Variants in LIPK observed in about 807,000 individuals in gnomAD.
LIPK encodes the protein lipase member K.
LIPK carries 32 observed loss-of-function variants against 48.6 expected under a neutral mutation model. That is an observed-to-expected ratio of 0.66 (90% CI 0.50 to 0.88). The LOEUF (loss-of-function observed/expected upper bound fraction) is 0.88. Ranked by LOEUF, LIPK falls within the 40% of genes least tolerant of loss-of-function variation. LIPK has a pLI of 0.00. For missense variants in LIPK, 507 were observed against 478.5 expected, an observed-to-expected ratio of 1.06 and a Z score of -0.56; for synonymous variants, 164 against 157.4, an observed-to-expected ratio of 1.04 and a Z score of -0.32.
chr10:88,733,678 C>A (rs1304821428), intron 6 of LIPK, among the ~76,000 whole-genome samples: 1 of 152,134 alleles, frequency 6.6e-6, no homozygotes, highest in Non-Finnish European at 1.5e-5. Flanking sequence ...TTCAGTATTC[C>A]CACACAATTA....
intron 3 of LIPK, chr10:88,728,570 G>T: frequency 2.2e-6 from 1 of 450,518 alleles, no homozygotes; most frequent in South Asian, 1.7e-5. Flanking sequence ...AGGAGAGGGC[G>T]CCGTAGCTTC....
rs1005036066 is a variant in LIPK at position 88,718,528 on chromosome 10, C to A, written c.-11-6005C>A. 2.0e-5 allele frequency among the ~76,000 whole-genome samples: 3 copies of A among 151,710 alleles called. No individual in the cohort carries two copies. The East Asian group carries it at 5.8e-4, about 29-fold the overall frequency. On this transcript the variant is annotated intron_variant, in intron 1 of 9. Transcript: ENST00000404190. ...GTAACCTGCATATACAAGAAATTTTCTATTTTCATTTTTCTGGGCCCTATC... is the reference window on the plus strand; with the variant it reads ...GTAACCTGCATATACAAGAAATTTTATATTTTCATTTTTCTGGGCCCTATC...
chr10:88,714,023 G>A (rs906529189), intron 1 of LIPK, among the ~76,000 whole-genome samples: 8 of 151,986 alleles, frequency 5.3e-5, no homozygotes, highest in African/African-American at 1.9e-4. Context: ...CTTTGTTGTT[G>A]TTGTTGTTTT....
chr10:88,724,563 C>T lies in LIPK; in HGVS notation c.20C>T (p.Ala7Val). ...TCCCAAATGTGGCAGCTTTTAGCAG[C>T]AGCATGCTGGATGCTTCTTCTTGGA... Reference protein sequence around the residue: MWQLLAAACWMLLLGSM... With the variant: MWQLLAVACWMLLLGSM... The change falls in exon 2 of 10, where the codon GCA becomes GTA. Residue 7 changes from alanine to valine, a missense_variant. Transcript: ENST00000404190. The T allele has an allele frequency of 6.2e-7, 1 of 1,607,468 alleles. No homozygotes were observed. The highest frequency in any genetic ancestry group is 8.5e-7 in the Non-Finnish European group (1 of 1,177,506).
chr10:88,748,394 ATCACT>A (rs1397609675), intron 9 of LIPK, among the ~76,000 whole-genome samples: 1 of 152,154 alleles, frequency 6.6e-6, no homozygotes, highest in African/African-American at 2.4e-5. Context: ...AGGCGGGCAG[ATCACT>A]TGAGGTCAGG....
intron 9 of LIPK, among the ~76,000 whole-genome samples, chr10:88,751,968 A>G (rs913657625): frequency 2.6e-5 from 4 of 152,310 alleles, no homozygotes; most frequent in African/African-American, 9.6e-5. Context: ...AATACAAGAA[A>G]GAAGCGGTAA....
chr10:88,742,526 A>G (rs1842697709), intron 8 of LIPK, among the ~76,000 whole-genome samples: 1 of 152,268 alleles, frequency 6.6e-6, no homozygotes, highest in East Asian at 1.9e-4. Flanking sequence ...CATCAATCCT[A>G]TATGGGTGGC....
rs182336622 is a variant in LIPK at position 88,730,465 on chromosome 10, A to G, written c.224-518A>G. Among the ~76,000 whole-genome samples the G allele has an allele frequency of 4.0e-3, 609 of 151,672 alleles. 3 individuals carry two copies. The highest frequency in any genetic ancestry group is 6.5e-3 in the Non-Finnish European group (444 of 67,888). On this transcript the variant is annotated intron_variant, in intron 3 of 9. Transcript: ENST00000404190. Reference sequence around the variant, plus strand: ...CACCATGCCCGGCTAGTTTTTTTGTATTTTTTAGTAGAGATGGGGTTTCAC... The same window carrying G: ...CACCATGCCCGGCTAGTTTTTTTGTGTTTTTTAGTAGAGATGGGGTTTCAC...
At chr10:88,712,045 T>C (rs1842036349) in intron 1 of LIPK, among the ~76,000 whole-genome samples, 2 of 152,184 alleles carry the variant, frequency 1.3e-5, no homozygotes, top group African/African-American at 2.4e-5. Flanking sequence ...TACTTTCTCA[T>C]TGAAATACAT....
At chr10:88,751,307 A>C (rs1197544953) in intron 9 of LIPK, among the ~76,000 whole-genome samples, 1 of 152,198 alleles carries the variant, frequency 6.6e-6, no homozygotes, top group Non-Finnish European at 1.5e-5. Flanking sequence ...AAACTGAAAA[A>C]GTAGTCATGA....
intron 3 of LIPK, chr10:88,728,199 C>T: frequency 5.0e-6 from 1 of 201,152 alleles, no homozygotes. Flanking sequence ...CCGTGAGCTG[C>T]AGTCCCAGAT....
rs529883898 is a variant in LIPK, at chr10:88,745,081, G to C, written c.960+1760G>C. ...GTGAACCCAGTCAGACAAAAATAAAGAAAAAAGAATTTAAAAAATGAACAA... is the reference window on the plus strand; with the variant it reads ...GTGAACCCAGTCAGACAAAAATAAACAAAAAAGAATTTAAAAAATGAACAA... On this transcript the variant is annotated intron_variant, in intron 9 of 9. Transcript: ENST00000404190. Among the ~76,000 whole-genome samples, 289 of 151,978 alleles carry C rather than the reference G, an allele frequency of 1.9e-3. 1 individual carries two copies. Among genetic ancestry groups the C allele is most frequent in the Non-Finnish European group, 3.1e-3 (213 of 67,940 alleles).
intron 1 of LIPK, among the ~76,000 whole-genome samples, chr10:88,717,276 G>T (rs187547003): frequency 1.3e-5 from 2 of 152,278 alleles, no homozygotes; most frequent in Admixed American, 6.5e-5. Flanking sequence ...GTAAAGGAAA[G>T]GTTCGTCTTG....
chr10:88,732,219 A>G lies in LIPK; in HGVS notation c.464A>G (p.Asn155Ser), dbSNP rs1433483771. The G allele has an allele frequency of 1.4e-6, 2 of 1,436,238 alleles. No individual in the cohort carries two copies. The highest frequency in any genetic ancestry group is 1.9e-6 in the Non-Finnish European group (2 of 1,045,404). The allele number at this position is 1,436,238 out of a possible 1,614,324, so 89.0% of individuals were successfully genotyped here. ...MAKYDLPATI[N>S]FIIEKTGQKR... Reference sequence around the variant, plus strand: ...AAATATGACCTTCCAGCCACAATCAATTTTATCATAGAGAAAACTGGACAG... The same window carrying G: ...AAATATGACCTTCCAGCCACAATCAGTTTTATCATAGAGAAAACTGGACAG... Residue 155 changes from asparagine (N) to serine (S), a missense_variant, in exon 5 of 10, where the codon AAT (asparagine) becomes AGT (serine). Asn to Ser is a conservative substitution (Grantham distance 46, BLOSUM62 1). Coordinates refer to ENST00000404190, the MANE Select transcript of LIPK (RefSeq NM_001080518.2).
At chr10:88,732,105 C>T (rs1251997174) in intron 4 of LIPK, 73 bp from the exon 5 acceptor site, 1 of 950,136 alleles carries the variant, frequency 1.1e-6, no homozygotes, top group African/African-American at 1.6e-5. Context: ...TATGTCTTCA[C>T]TGAACGTGTT....
At position 88,732,517 on chromosome 10, in the gene LIPK, A is replaced by C. The variant is rs778047835; in HGVS notation, c.635A>C (p.Lys212Thr). The change falls in exon 6 of 10, where the codon AAA (lysine) becomes ACA (threonine). Residue 212 changes from lysine (K) to threonine (T), a missense_variant. Coordinates refer to ENST00000404190, the MANE Select transcript of LIPK (RefSeq NM_001080518.2). ...VTVKYTQSPMKKLTTLSRRVV... is the reference protein window; with the variant it reads ...VTVKYTQSPMTKLTTLSRRVV... ...GTTAAATACACCCAAAGTCCTATGA[A>C]AAAACTAACAACCCTTTCCAGGCGA... The C allele has an allele frequency of 2.0e-5, 33 of 1,612,398 alleles. No individual in the cohort carries two copies. Among genetic ancestry groups the C allele is most frequent in the Non-Finnish European group, 2.7e-5 (32 of 1,179,512 alleles).
chr10:88,752,305 TA>T (rs1842876726), intron 9 of LIPK, among the ~76,000 whole-genome samples: 1 of 152,328 alleles, frequency 6.6e-6, no homozygotes, highest in East Asian at 1.9e-4. Context: ...AGAAATACAA[TA>T]ATTGAATTGT....
chr10:88,715,876 C>T (rs1842107449), intron 1 of LIPK, among the ~76,000 whole-genome samples: 1 of 151,668 alleles, frequency 6.6e-6, no homozygotes, highest in African/African-American at 2.4e-5. Flanking sequence ...TGTCATGATT[C>T]CTCTATTGAG....
Position 88,737,695 on chromosome 10 carries a change from A to G in LIPK, c.730A>G (p.Lys244Glu), listed in dbSNP as rs752329182. ...HTLFDQFIAT[K>E]VCNRKLFRRI... is the part of the protein sequence containing the mutation. Reference sequence around the variant, plus strand: ...ATTGTTTGACCAATTCATTGCCACCAAAGTGTGCAATCGAAAGCTATTCCG... The same window carrying G: ...ATTGTTTGACCAATTCATTGCCACCGAAGTGTGCAATCGAAAGCTATTCCG... The change falls in exon 7 of 10, where the codon AAA becomes GAA. Residue 244 changes from lysine to glutamate, a missense_variant. Lys to Glu is a moderately conservative substitution (Grantham distance 56). Transcript: ENST00000404190. The G allele has an allele frequency of 1.9e-6, 3 of 1,613,712 alleles. No individual in the cohort carries two copies. Among genetic ancestry groups the G allele is most frequent in the East Asian group, 4.5e-5 (2 of 44,896 alleles).
Sources: allele counts gnomAD v4.1 joint callset (sites outside exome capture counted in the v4.1 genomes callset), GRCh38; gene constraint gnomAD v4.1.1; transcripts MANE v1.5; gene names NCBI Gene and HGNC (gene_info 2026-07-23, HGNC 2026-07-21).